OTOGL: variants seen among roughly 807,000 people sequenced by gnomAD.
OTOGL encodes the protein otogelin-like protein.
OTOGL carries 285 observed loss-of-function variants against 318.5 expected under a neutral mutation model. That is an observed-to-expected ratio of 0.89 (90% CI 0.81 to 0.99). The LOEUF is 0.99. Among genes scored for constraint, OTOGL ranks in the 50% least tolerant of loss-of-function variants. The probability of loss-of-function intolerance (pLI) is 0.00; values close to 1 mark genes in which losing one functional copy is unlikely to be tolerated. For synonymous variants in OTOGL, 987 were observed against 936.5 expected, an observed-to-expected ratio of 1.05 and a Z score of -0.99; for missense variants, 2,899 against 2,845.6, an observed-to-expected ratio of 1.02 and a Z score of -0.43.
intron 44 of OTOGL, among the ~76,000 whole-genome samples, chr12:80,345,118 T>TA (rs200312256): frequency 9.6e-6 from 1 of 104,156 alleles, no homozygotes; most frequent in South Asian, 2.7e-4. Flanking sequence ...ATATATATTA[T>TA]TATGTTATAT....
At chr12:80,265,242 G>C (rs780133194) in intron 20 of OTOGL, 32 bp downstream of exon 20, 4 of 1,577,308 alleles carry the variant, frequency 2.5e-6, no homozygotes, top group Non-Finnish European at 3.5e-6. Context: ...AAGACTATCA[G>C]ATAATACCTT....
chr12:80,174,048 A>G (rs1389999970), intron 1 of OTOGL, among the ~76,000 whole-genome samples: 1 of 152,212 alleles, frequency 6.6e-6, no homozygotes, highest in African/African-American at 2.4e-5. Flanking sequence ...ACAACAGTAA[A>G]GCAAAATAAG....
chr12:80,113,622 A>G (rs2137084432), intron 1 of OTOGL, among the ~76,000 whole-genome samples: 1 of 151,750 alleles, frequency 6.6e-6, no homozygotes, highest in African/African-American at 2.4e-5. Context: ...AGAGACTGTT[A>G]TGATTTCATA....
At chr12:80,192,145 T>G (rs1332598622) in intron 1 of OTOGL, among the ~76,000 whole-genome samples, 1 of 152,238 alleles carries the variant, frequency 6.6e-6, no homozygotes, top group Non-Finnish European at 1.5e-5. Context: ...TTGTCACTCT[T>G]GAATACCTAC....
chr12:80,149,938 C>T (rs2137165997), intron 1 of OTOGL, among the ~76,000 whole-genome samples: 1 of 152,304 alleles, frequency 6.6e-6, no homozygotes, highest in Non-Finnish European at 1.5e-5. Flanking sequence ...CACCCACTGA[C>T]CTGCGCCCAC....
At chr12:80,174,077 A>G (rs545717247) in intron 1 of OTOGL, among the ~76,000 whole-genome samples, 1 of 152,332 alleles carries the variant, frequency 6.6e-6, no homozygotes, top group East Asian at 1.9e-4. Context: ...TCCCAAGTAA[A>G]CAAATTAGAA....
At chr12:80,181,620 G>A (rs912698153) in intron 1 of OTOGL, among the ~76,000 whole-genome samples, 1 of 152,010 alleles carries the variant, frequency 6.6e-6, no homozygotes, top group African/African-American at 2.4e-5. Flanking sequence ...ACATAACCCT[G>A]AGGATCAAGA....
At chr12:80,330,977 A>C (rs1429865650) in intron 37 of OTOGL, among the ~76,000 whole-genome samples, 1 of 152,248 alleles carries the variant, frequency 6.6e-6, no homozygotes, top group Non-Finnish European at 1.5e-5. Flanking sequence ...TAGAATTAAG[A>C]AGCTGAAGAA....
chr12:80,152,598 C>A (rs1872854333), intron 1 of OTOGL, among the ~76,000 whole-genome samples: 1 of 152,126 alleles, frequency 6.6e-6, no homozygotes, highest in Admixed American at 6.5e-5. Context: ...TCACCAATGA[C>A]CTTTGAGTAT....
chr12:80,130,683 G>A (rs532302837), intron 1 of OTOGL, among the ~76,000 whole-genome samples: 2 of 152,320 alleles, frequency 1.3e-5, no homozygotes, highest in East Asian at 1.9e-4. Context: ...TGCTGACTGA[G>A]CTTATGAACA....
In OTOGL at chr12:80,377,965, G is replaced by C. The variant is rs759957979; in HGVS notation, c.6979G>C (p.Val2327Leu). 1.6e-5 allele frequency: 26 copies of C among 1,607,440 alleles called. No homozygotes were observed. The highest frequency in any genetic ancestry group is 2.1e-5 in the Non-Finnish European group (25 of 1,176,344). The change falls in exon 59 of 59, where the codon GTG becomes CTG. Residue 2327 changes from valine to leucine, a missense_variant. Val to Leu is a conservative substitution (Grantham distance 32, BLOSUM62 1). Transcript: ENST00000547103. ...TGAAAATGGAGTACGAAACTTGTCT[G>C]TGCCTCTGTATTGCTCAGGAAATGG... is the stretch of plus-strand genomic sequence containing the variant. Reference protein sequence around the residue: ...CRENGVRNLSVPLYCSGNGTE... With the variant: ...CRENGVRNLSLPLYCSGNGTE...
chr12:80,242,145 A>T (rs1880438588), intron 11 of OTOGL, among the ~76,000 whole-genome samples: 1 of 152,198 alleles, frequency 6.6e-6, no homozygotes, highest in Non-Finnish European at 1.5e-5. Flanking sequence ...GGAACTGGAG[A>T]TAAAAATCAG....
chr12:80,210,950 G>T, intron 3 of OTOGL, 64 bp downstream of exon 3: 3 of 1,128,946 alleles, frequency 2.7e-6, no homozygotes, highest in East Asian at 6.1e-5. Flanking sequence ...GCAAACCTCA[G>T]CAGGCAACTA....
At chr12:80,345,879 A>G (rs1197629493) in intron 44 of OTOGL, among the ~76,000 whole-genome samples, 1 of 152,216 alleles carries the variant, frequency 6.6e-6, no homozygotes. Context: ...GTCTTCAGAC[A>G]ACATCTTTAG....
In OTOGL at chr12:80,191,178, CT is replaced by C. The variant is rs1875668894; in HGVS notation, c.-19-18234del. Among the ~76,000 whole-genome samples the C allele has an allele frequency of 2.0e-5, 3 of 152,344 alleles. No individual in the cohort carries two copies. The South Asian group carries it at 6.2e-4, about 32-fold the overall frequency. ...ACTGGCTGGGAGCAGTGGTTCATGC[CT>C]ATAATCCCAGCATTTTGGGAGGCTG... On this transcript the variant is annotated intron_variant, in intron 1 of 58. Transcript: ENST00000547103.
chr12:80,187,352 C>T (rs990234670), intron 1 of OTOGL, among the ~76,000 whole-genome samples: 1 of 151,896 alleles, frequency 6.6e-6, no homozygotes, highest in Non-Finnish European at 1.5e-5. Context: ...TTCTGCAGAC[C>T]CTGCTGGGGC....
rs1884024223 is a variant in OTOGL, at chr12:80,279,101, CATT to C, written c.2870_2872del (p.Tyr957del). ...AGTGTGCACAATATACGGGGACCGACATTATTATTCTTTTGATGGACTAGAATA... is the reference window on the plus strand; with the variant it reads ...AGTGTGCACAATATACGGGGACCGACATTATTCTTTTGATGGACTAGAATA... On this transcript the variant is annotated inframe_deletion, in exon 26 of 59. Coordinates refer to ENST00000547103, the MANE Select transcript of OTOGL (RefSeq NM_001378609.3). The C allele has an allele frequency of 4.4e-6, 7 of 1,594,290 alleles. No individual in the cohort carries two copies. Among genetic ancestry groups the C allele is most frequent in the Non-Finnish European group, 6.0e-6 (7 of 1,175,942 alleles).
At chr12:80,156,808 G>A (rs1409531500) in intron 1 of OTOGL, among the ~76,000 whole-genome samples, 1 of 152,052 alleles carries the variant, frequency 6.6e-6, no homozygotes, top group Non-Finnish European at 1.5e-5. Flanking sequence ...CCAGTCTTGG[G>A]TATGTCTTTA....
intron 1 of OTOGL, among the ~76,000 whole-genome samples, chr12:80,149,810 G>T (rs545197306): frequency 1.3e-5 from 2 of 152,176 alleles, no homozygotes; most frequent in Admixed American, 6.5e-5. Context: ...CGCAGTATTC[G>T]GGTGGGAGTG....
Sources: gnomAD v4.1 joint callset for allele counts (sites outside exome capture counted in the v4.1 genomes callset) on GRCh38, gnomAD v4.1.1 for gene constraint, MANE v1.5 for transcripts, NCBI Gene and HGNC (gene_info 2026-07-23, HGNC 2026-07-21) for gene names.